SMPD4: variants seen among roughly 807,000 people sequenced by gnomAD.
The protein encoded by SMPD4 is neutral sphingomyelinase 3.
Under a neutral mutation model 97.8 loss-of-function variants are expected in SMPD4, and 58 were observed. The ratio of observed to expected loss-of-function variants is 0.59; its 90% CI spans 0.48 to 0.74. SMPD4 has a LOEUF of 0.74. Among genes scored for constraint, SMPD4 ranks in the 30% least tolerant of loss-of-function variants. The pLI, the probability that SMPD4 is intolerant of heterozygous loss-of-function variation, is 0.00. For synonymous variants in SMPD4, 388 were observed against 450.0 expected (o/e 0.86, Z 1.74); for missense variants, 853 against 1,080.5 (o/e 0.79, Z 2.95).
intron 14 of SMPD4, among the ~76,000 whole-genome samples, chr2:130,155,816 A>G (rs1392871500): frequency 3.3e-5 from 5 of 152,096 alleles, no homozygotes; most frequent in African/African-American, 4.8e-5. Flanking sequence ...GGTCACCCAC[A>G]GCTTCCATAA....
chr2:130,180,805 C>G (rs1487871050), intron 1 of SMPD4, among the ~76,000 whole-genome samples: 2 of 152,054 alleles, frequency 1.3e-5, no homozygotes, highest in East Asian at 3.9e-4. Flanking sequence ...TAGGAAATTT[C>G]CAAGAAAGGA....
At position 130,171,921 on chromosome 2, in the gene SMPD4, C is replaced by CAA. The variant is rs1233790691; in HGVS notation, c.659+427_659+428insTT. ...AACCTGTGCAGGCACGCATCAGGCT[C>CAA]AGCCTGTTTGGACTGACAAAACAGG... On this transcript the variant is annotated intron_variant, in intron 8 of 19. Transcript: ENST00000680298. 2.0e-4 allele frequency among the ~76,000 whole-genome samples: 31 copies of CAA among 152,380 alleles called. No homozygotes were observed. In the East Asian group the frequency reaches 2.1e-3, roughly 10 times the overall value.
rs1168114032 is a variant in SMPD4 at position 130,153,132 on chromosome 2, C to T, written c.2065G>A (p.Gly689Arg). The T allele has an allele frequency of 6.8e-6, 11 of 1,613,776 alleles. No individual in the cohort carries two copies. Among genetic ancestry groups the T allele is most frequent in the Non-Finnish European group, 8.5e-6 (10 of 1,180,014 alleles). The change falls in exon 19 of 20, where the codon GGG (glycine) becomes AGG (arginine). Residue 689 changes from glycine (G) to arginine (R), a missense_variant. Coordinates refer to ENST00000680298, the MANE Select transcript of SMPD4 (RefSeq NM_017951.5). The part of the protein sequence containing the change: ...GLRRFEIEYQ[G>R]DPELQPIRSY... ...CGGATGGGCTGCAGCTCCGGGTCCC[C>T]CTGGTACTCAATTTCAAACCTTCGC...
Position 130,157,877 on chromosome 2 carries a change from A to G in SMPD4, c.952-481T>C, listed in dbSNP as rs13416454. On this transcript the variant is annotated intron_variant, in intron 11 of 19. Transcript: ENST00000680298. Reference sequence around the variant, plus strand: ...ACATGGAACCCAGGTGTGGTGCCTCAGACCTGTAATTCCAGCACTTTGGGA... The same window carrying G: ...ACATGGAACCCAGGTGTGGTGCCTCGGACCTGTAATTCCAGCACTTTGGGA... 2.1e-3 allele frequency: 438 copies of G among 209,116 alleles called. 2 individuals carry two copies. Among genetic ancestry groups the G allele is most frequent in the African/African-American group, 9.0e-3 (387 of 43,070 alleles). The allele number at this position is 209,116 out of a possible 1,614,324, so 13.0% of individuals were successfully genotyped here. A position where few individuals can be genotyped will look rare whatever the true frequency, so the allele number is the denominator to read the frequency against.
intron 8 of SMPD4, among the ~76,000 whole-genome samples, chr2:130,171,124 T>C (rs1688417755): frequency 7.8e-6 from 1 of 128,142 alleles, no homozygotes; most frequent in African/African-American, 3.8e-5. Context: ...CATATATATA[T>C]AATTTCTTTT....
rs369270948 is a variant in SMPD4, at chr2:130,168,396, C to T, written c.660-806G>A. Among the ~76,000 whole-genome samples the T allele has an allele frequency of 7.9e-5, 12 of 152,122 alleles. No individual in the cohort carries two copies. The East Asian group carries it at 2.1e-3, about 27-fold the overall frequency. ...CAGAGATCGTACCACTGCACTCCAGCCTGGGGTAAGAGAACAAGACCCTGT... is the reference window on the plus strand; with the variant it reads ...CAGAGATCGTACCACTGCACTCCAGTCTGGGGTAAGAGAACAAGACCCTGT... On this transcript the variant is annotated intron_variant, in intron 8 of 19. Transcript: ENST00000680298.
intron 2 of SMPD4, among the ~76,000 whole-genome samples, chr2:130,176,168 G>A (rs1373224419): frequency 2.0e-5 from 3 of 152,150 alleles, no homozygotes; most frequent in Non-Finnish European, 4.4e-5. Context: ...GCAGGCCCCC[G>A]CACAACAGTG....
rs1244468095 is a variant in SMPD4, at chr2:130,166,049, C to T, written c.792+1409G>A. Among the ~76,000 whole-genome samples, 6 of 152,020 alleles carry T rather than the reference C, an allele frequency of 3.9e-5. No individual in the cohort carries two copies. In the South Asian group the frequency reaches 1.2e-3, roughly 32 times the overall value. On this transcript the variant is annotated intron_variant, in intron 9 of 19. Coordinates refer to ENST00000680298, the MANE Select transcript of SMPD4 (RefSeq NM_017951.5). Reference sequence around the variant, plus strand: ...TTAAAAAAACAAAAAGGGCCGGGCACGGTGGCTCACGCCTGTAATCCCAAC... The same window carrying T: ...TTAAAAAAACAAAAAGGGCCGGGCATGGTGGCTCACGCCTGTAATCCCAAC...
intron 14 of SMPD4, 45 bp downstream of exon 14, chr2:130,155,990 C>A: frequency 6.3e-7 from 1 of 1,584,230 alleles, no homozygotes; most frequent in East Asian, 2.2e-5. Flanking sequence ...ACAATATCCA[C>A]CTGGGGGAGC....
Position 130,173,516 on chromosome 2 carries a change from A to G in SMPD4, c.267T>C (p.Pro89=). Residue 89 remains proline, a splice_region_variant and synonymous_variant, in exon 4 of 20, where the codon CCT becomes CCC. Coordinates refer to ENST00000680298, the MANE Select transcript of SMPD4 (RefSeq NM_017951.5). ...EYSIVMEFLD[P]GGPMMKLVYK... is the part of the protein sequence containing the mutation. ...TCTCCGGTGACCAACCTACCTACCC[A>G]GGGTCGAGAAATTCCATCACGATGC... The G allele has an allele frequency of 1.9e-6, 3 of 1,600,360 alleles. No homozygotes were observed. The highest frequency in any genetic ancestry group is 2.2e-5 in the East Asian group (1 of 44,682).
rs780345597 is a variant in SMPD4 at position 130,172,670 on chromosome 2, G to A, written c.462C>T (p.Phe154=). ...GLGLNLALNP[F]EYYIFFFALS... ...AGGCAAAGAAGAATATGTAATACTC[G>A]AACGGATCTGAGAGCAGCGTCAGGG... The change falls in exon 7 of 20, where the codon TTC becomes TTT. Residue 154 remains phenylalanine, a synonymous_variant. Coordinates refer to ENST00000680298, the MANE Select transcript of SMPD4 (RefSeq NM_017951.5). 7.4e-6 allele frequency: 12 copies of A among 1,614,058 alleles called. 1 individual carries two copies. Among genetic ancestry groups the A allele is most frequent in the South Asian group, 3.3e-5 (3 of 91,088 alleles).
rs1398287132 is a variant in SMPD4 at position 130,173,554 on chromosome 2, G to A, written c.229C>T (p.Pro77Ser). The change falls in exon 4 of 20, where the codon CCT becomes TCT. Residue 77 changes from proline to serine, a missense_variant. Transcript: ENST00000680298. ...TCCATCACGATGCTGTACTCCACAGGATTCACGCGCCCCTGTAAGCAGCGG... is the reference window on the plus strand; with the variant it reads ...TCCATCACGATGCTGTACTCCACAGAATTCACGCGCCCCTGTAAGCAGCGG... The part of the protein sequence containing the change: ...NLRCLQGRVN[P>S]VEYSIVMEFL... 2 of 1,612,990 alleles carry A rather than the reference G, an allele frequency of 1.2e-6. No individual in the cohort carries two copies. Among genetic ancestry groups the A allele is most frequent in the African/African-American group, 1.3e-5 (1 of 74,894 alleles).
Position 130,152,814 on chromosome 2 carries a change from G to A in SMPD4, c.2225C>T (p.Thr742Ile), listed in dbSNP as rs1422587239. ...FLGSFCRYHL[T>I]EPGLASRHLL... ...GTGCCTGCTGGCCAGCCCAGGTTCT[G>A]TGAGGTGGTAGCGACAGAAGCTGCC... Residue 742 changes from threonine to isoleucine, a missense_variant, in exon 20 of 20, where the codon ACA becomes ATA. Physicochemically the swap from Thr to Ile is moderately conservative, Grantham distance 89 (BLOSUM62 -1). Around this residue, in one of 3 missense-constraint regions of SMPD4, gnomAD observed 511 missense variants for 608.1 expected, o/e 0.84. Coordinates refer to ENST00000680298, the MANE Select transcript of SMPD4 (RefSeq NM_017951.5). 6.2e-6 allele frequency: 10 copies of A among 1,608,166 alleles called. No homozygotes were observed. Among genetic ancestry groups the A allele is most frequent in the East Asian group, 2.2e-5 (1 of 44,726 alleles).
chr2:130,177,811 A>C (rs755727576), intron 1 of SMPD4, among the ~76,000 whole-genome samples: 9 of 152,084 alleles, frequency 5.9e-5, no homozygotes, highest in Non-Finnish European at 1.0e-4. Context: ...TTTGTTATAT[A>C]CCAGGACTCG....
rs756132123 is a variant in SMPD4, at chr2:130,172,422, G to A, written c.586C>T (p.Leu196=). 58 of 1,612,030 alleles carry A rather than the reference G, an allele frequency of 3.6e-5. No individual in the cohort carries two copies. The highest frequency in any genetic ancestry group is 4.2e-5 in the Non-Finnish European group (49 of 1,179,206). Residue 196 remains leucine (L), a synonymous_variant, in exon 8 of 20, where the codon CTG becomes TTG. Transcript: ENST00000680298. ...ILVDRYLSWF[L]PTEGSVPPPL... ...GGGGGCACACTGCCTTCGGTGGGCAGGAACCATGACAGGTACCTGTCCACC... is the reference window on the plus strand; with the variant it reads ...GGGGGCACACTGCCTTCGGTGGGCAAGAACCATGACAGGTACCTGTCCACC...
At position 130,155,230 on chromosome 2, in the gene SMPD4, A is replaced by G; in HGVS notation, c.1319T>C (p.Met440Thr). ...AAAGCCCACAAACAACTTGGTGTACATCAGCAGGTTCTCCTGGACAAAGGG... is the reference window on the plus strand; with the variant it reads ...AAAGCCCACAAACAACTTGGTGTACGTCAGCAGGTTCTCCTGGACAAAGGG... ...WAPFVQENLL[M>T]YTKLFVGFLN... Residue 440 changes from methionine (M) to threonine (T), a missense_variant, in exon 15 of 20, where the codon ATG becomes ACG. Met to Thr is a moderately conservative substitution (Grantham distance 81). This residue lies in a region of SMPD4 where 511 missense variants were observed against 608.1 expected (regional missense o/e 0.84). Coordinates refer to ENST00000680298, the MANE Select transcript of SMPD4 (RefSeq NM_017951.5). 1 of 1,614,162 alleles carries G rather than the reference A, an allele frequency of 6.2e-7. No individual in the cohort carries two copies. Among genetic ancestry groups the G allele is most frequent in the South Asian group, 1.1e-5 (1 of 91,090 alleles).
chr2:130,179,064 G>C (rs559064226), intron 1 of SMPD4, among the ~76,000 whole-genome samples: 1 of 152,116 alleles, frequency 6.6e-6, no homozygotes, highest in South Asian at 2.1e-4. Flanking sequence ...TGTAGAGTGA[G>C]AGGAGACAGG....
At chr2:130,153,194 T>C (rs752992558) in intron 18 of SMPD4, 23 bp from the exon 19 acceptor site, 59 of 1,613,474 alleles carry the variant, frequency 3.7e-5, no homozygotes, top group Non-Finnish European at 3.8e-5. Context: ...GCCATGGGGA[T>C]GGGTCAGAAA....
chr2:130,152,446 C>G lies in SMPD4; in HGVS notation c.*109G>C. On this transcript the variant is annotated 3_prime_UTR_variant, in exon 20 of 20. Coordinates refer to ENST00000680298, the MANE Select transcript of SMPD4 (RefSeq NM_017951.5). ...GGCTGCAGGAACCCCGCTCCAGAAG[C>G]CCGAGGATGACCGTGTTCCCTCCTG... The G allele has an allele frequency of 7.9e-7, 1 of 1,258,378 alleles. No homozygotes were observed. Among genetic ancestry groups the G allele is most frequent in the South Asian group, 1.6e-5 (1 of 63,590 alleles). 78.0% of individuals were successfully genotyped at this position (1,258,378 alleles called of 1,614,324 possible).
Sources: allele counts gnomAD v4.1 joint callset (sites outside exome capture counted in the v4.1 genomes callset), GRCh38; gene constraint gnomAD v4.1.1; regional missense constraint gnomAD v4.1.1; transcripts MANE v1.5; gene names NCBI Gene and HGNC (gene_info 2026-07-23, HGNC 2026-07-21).